The following BCKDHB variants were observed in gnomAD, a reference collection of about 807,000 sequenced individuals.
BCKDHB encodes the protein branched chain keto acid dehydrogenase E1 subunit beta.
In BCKDHB, 41 loss-of-function variants were observed where a neutral mutation model predicts 48.5. The observed-to-expected ratio is 0.85, with a 90% confidence interval of 0.66 to 1.10. The LOEUF (loss-of-function observed/expected upper bound fraction) is 1.10. Ranked by LOEUF, BCKDHB falls within the 50% of genes least tolerant of loss-of-function variation. The pLI, the probability that BCKDHB is intolerant of heterozygous loss-of-function variation, is 0.00. For synonymous variants in BCKDHB, 201 were observed against 174.8 expected, an observed-to-expected ratio of 1.15 and a Z score of -1.18; for missense variants, 496 against 494.2, an observed-to-expected ratio of 1.00 and a Z score of -0.03.
chr6:80,384,431 A>G, the BCKDHB span, among the ~76,000 whole-genome samples: 7 of 151,070 alleles, frequency 4.6e-5, no homozygotes, highest in South Asian at 1.5e-3. Context: ...CGATCTTGGC[A>G]CACTCCAACC....
At chr6:80,388,585 A>T in the BCKDHB span, among the ~76,000 whole-genome samples, 1 of 152,166 alleles carries the variant, frequency 6.6e-6, no homozygotes, top group African/African-American at 2.4e-5. Context: ...TGCAAGTAGT[A>T]TATACGTGGC....
intron 9 of BCKDHB, among the ~76,000 whole-genome samples, chr6:80,308,815 C>T (rs1432151605): frequency 6.6e-6 from 1 of 151,890 alleles, no homozygotes; most frequent in African/African-American, 2.4e-5. Context: ...ATCTCCTGAT[C>T]TCGTCATCTG....
At chr6:80,124,293 G>GA (rs756935546) in intron 1 of BCKDHB, among the ~76,000 whole-genome samples, 17 of 152,248 alleles carry the variant, frequency 1.1e-4, no homozygotes, top group Non-Finnish European at 1.8e-4. Flanking sequence ...TACATTTGCT[G>GA]AAAAGTGCTT....
intron 6 of BCKDHB, among the ~76,000 whole-genome samples, chr6:80,183,029 G>A (rs1773483951): frequency 2.6e-5 from 4 of 151,914 alleles, no homozygotes; most frequent in Admixed American, 1.3e-4. Flanking sequence ...TCTAAATTCT[G>A]GTTATTTTAA....
intron 9 of BCKDHB, among the ~76,000 whole-genome samples, chr6:80,339,245 T>A (rs1582593097): frequency 1.3e-5 from 2 of 152,350 alleles, no homozygotes; most frequent in East Asian, 3.9e-4. Flanking sequence ...AACATGGGAA[T>A]AAATTGACGT....
rs200469657 is a variant in BCKDHB at position 80,306,436 on chromosome 6, T to TA, written c.1038+33222dup. Among the ~76,000 whole-genome samples, 493 of 151,980 alleles carry TA rather than the reference T, an allele frequency of 3.2e-3. 7 individuals carry two copies. Among genetic ancestry groups the TA allele is most frequent in the Admixed American group, 0.027 (410 of 15,246 alleles). ...ATATGTAAATAGTACAGTCTAAACA[T>TA]AAAAAAAGGGTGCCTGAGTGAACCT... On this transcript the variant is annotated intron_variant, in intron 9 of 9. Coordinates refer to ENST00000320393, the MANE Select transcript of BCKDHB (RefSeq NM_183050.4).
chr6:80,124,981 C>T (rs1770265106), intron 1 of BCKDHB, among the ~76,000 whole-genome samples: 1 of 152,194 alleles, frequency 6.6e-6, no homozygotes, highest in Non-Finnish European at 1.5e-5. Flanking sequence ...AAAGAGTCCA[C>T]CTGTCCTTTG....
the BCKDHB span, among the ~76,000 whole-genome samples, chr6:80,381,941 T>C: frequency 2.6e-5 from 4 of 152,236 alleles, no homozygotes; most frequent in African/African-American, 9.6e-5. Flanking sequence ...AAACTTGTTA[T>C]ATGAAAGTTT....
intron 8 of BCKDHB, among the ~76,000 whole-genome samples, chr6:80,228,289 C>T (rs991054980): frequency 5.3e-5 from 8 of 152,206 alleles, no homozygotes; most frequent in African/African-American, 1.9e-4. Flanking sequence ...AACCAAAAAA[C>T]TCCAGTGAAC....
chr6:80,346,915 T>C (rs1325077511), downstream of BCKDHB, among the ~76,000 whole-genome samples: 18 of 146,964 alleles, frequency 1.2e-4, no homozygotes, highest in Admixed American at 1.2e-3. Context: ...TCTCATGGGT[T>C]CTAGGAAAAA....
At chr6:80,152,551 G>A (rs1218816153) in intron 3 of BCKDHB, among the ~76,000 whole-genome samples, 2 of 152,116 alleles carry the variant, frequency 1.3e-5, no homozygotes, top group Admixed American at 1.3e-4. Context: ...AAACATTTAG[G>A]TCATAATCAT....
At chr6:80,464,177 GAGTGCAGTGGCGCGATCTTGGCTC>G in the BCKDHB span, among the ~76,000 whole-genome samples, 1 of 151,950 alleles carries the variant, frequency 6.6e-6, no homozygotes, top group Non-Finnish European at 1.5e-5. Flanking sequence ...ACCCAGGCTG[GAGTGCAGTGGCGCGATCTTGGCTC>G]ACTGCAACCT....
chr6:80,113,961 A>G (rs1769550339), intron 1 of BCKDHB, among the ~76,000 whole-genome samples: 1 of 152,180 alleles, frequency 6.6e-6, no homozygotes, highest in Non-Finnish European at 1.5e-5. Flanking sequence ...TCCTATGCAA[A>G]TGAAGACTTG....
At chr6:80,301,979 AGG>A (rs1767607707) in intron 9 of BCKDHB, among the ~76,000 whole-genome samples, 1 of 152,178 alleles carries the variant, frequency 6.6e-6, no homozygotes. Context: ...TCAATAGGCT[AGG>A]CATTGAAGGA....
At chr6:80,449,819 T>C in the BCKDHB span, among the ~76,000 whole-genome samples, 2 of 152,216 alleles carry the variant, frequency 1.3e-5, no homozygotes, top group Non-Finnish European at 2.9e-5. Context: ...ACAAGTTCTA[T>C]TTGTTTTTTA....
At chr6:80,408,770 G>A in the BCKDHB span, among the ~76,000 whole-genome samples, 1 of 148,318 alleles carries the variant, frequency 6.7e-6, no homozygotes, top group East Asian at 2.0e-4. Flanking sequence ...AGTGTTGCTA[G>A]CGGTCTATCT....
chr6:80,136,706 A>G (rs1007642099), intron 3 of BCKDHB, among the ~76,000 whole-genome samples: 3 of 152,172 alleles, frequency 2.0e-5, no homozygotes, highest in African/African-American at 7.2e-5. Flanking sequence ...CATGTATCAG[A>G]TAAGAGATTA....
In BCKDHB at chr6:80,238,749, C is replaced by A. The variant is rs932633865; in HGVS notation, c.952-34386C>A. On this transcript the variant is annotated intron_variant, in intron 8 of 9. Transcript: ENST00000320393. ...GTATCTCCTAATGCTATCCCTCCCCCCTCCTCCCATCCCATGACAGGCCCC... is the reference window on the plus strand; with the variant it reads ...GTATCTCCTAATGCTATCCCTCCCCACTCCTCCCATCCCATGACAGGCCCC... Among the ~76,000 whole-genome samples the A allele has an allele frequency of 6.4e-5, 8 of 125,814 alleles. No homozygotes were observed. In the East Asian group the frequency reaches 1.2e-3, roughly 18 times the overall value. 82.5% of individuals were successfully genotyped at this position (125,814 alleles called of 152,430 possible).
chr6:80,377,601 A>G, the BCKDHB span, among the ~76,000 whole-genome samples: 2 of 152,162 alleles, frequency 1.3e-5, no homozygotes, highest in African/African-American at 4.8e-5. Context: ...CTTTCCCTCA[A>G]TGAATGGCCT....
Sources: gnomAD v4.1 joint callset for allele counts (sites outside exome capture counted in the v4.1 genomes callset) on GRCh38, gnomAD v4.1.1 for gene constraint, MANE v1.5 for transcripts, NCBI Gene and HGNC (gene_info 2026-07-23, HGNC 2026-07-21) for gene names.